Variants in DLGAP2 observed in about 807,000 individuals in gnomAD.
DLGAP2 encodes the protein disks large-associated protein 2.
DLGAP2 carries 26 observed loss-of-function variants against 100.3 expected under a neutral mutation model. The observed-to-expected ratio is 0.26, with a 90% CI of 0.19 to 0.36. DLGAP2 has a LOEUF of 0.36. Ranked by LOEUF, DLGAP2 falls within the 10% of genes least tolerant of loss-of-function variation. The pLI, the probability that DLGAP2 is intolerant of heterozygous loss-of-function variation, is 1.00. For missense variants in DLGAP2, 1,858 were observed against 1,453.2 expected (o/e 1.28, Z -4.53); for synonymous variants, 886 against 630.1 (o/e 1.41, Z -6.08).
intron 5 of DLGAP2, among the ~76,000 whole-genome samples, chr8:1,563,534 C>T (rs2956908): frequency 0.24 from 14,775 of 60,444 alleles, 2,322 homozygotes; most frequent in Middle Eastern, 0.43. Flanking sequence ...CTGCGGGGAC[C>T]GTGCAGTGTC....
intron 3 of DLGAP2, among the ~76,000 whole-genome samples, chr8:1,345,023 C>G (rs1445705198): frequency 6.6e-6 from 1 of 152,202 alleles, no homozygotes; most frequent in Admixed American, 6.5e-5. Context: ...GATATTGGGA[C>G]CATTCATCTT....
chr8:1,662,775 GGT>G (rs1043468389), intron 8 of DLGAP2, among the ~76,000 whole-genome samples: 5 of 152,146 alleles, frequency 3.3e-5, no homozygotes, highest in African/African-American at 7.2e-5. Flanking sequence ...GTGAGTGTGG[GGT>G]GTGTGTGTAC....
intron 1 of DLGAP2, among the ~76,000 whole-genome samples, chr8:772,880 C>A (rs186116556): frequency 4.0e-4 from 61 of 152,288 alleles, no homozygotes; most frequent in Middle Eastern, 3.4e-3. Context: ...GTAGGCAGAG[C>A]TTCCTAATTC....
chr8:1,614,861 GCA>G (rs149530782), intron 6 of DLGAP2, among the ~76,000 whole-genome samples: 2 of 152,094 alleles, frequency 1.3e-5, no homozygotes, highest in African/African-American at 4.8e-5. Context: ...ACGTGCACAC[GCA>G]CACACACACA....
intron 3 of DLGAP2, among the ~76,000 whole-genome samples, chr8:1,345,887 A>G (rs1315079154): frequency 6.6e-6 from 1 of 152,176 alleles, no homozygotes; most frequent in African/African-American, 2.4e-5. Flanking sequence ...GCCCTATAGG[A>G]AGGAAGCAAA....
At position 1,514,698 on chromosome 8, in the gene DLGAP2, G is replaced by T. The variant is rs539899299; in HGVS notation, c.172+13267G>T. On this transcript the variant is annotated intron_variant, in intron 4 of 14. Transcript: ENST00000637795. ...CCCATTCTAAAGGAGGGGACAGCAC[G>T]TGACAGAACGAGTCCCACAGTCAGT... Among the ~76,000 whole-genome samples the T allele has an allele frequency of 4.6e-5, 7 of 152,310 alleles. No homozygotes were observed. In the East Asian group the frequency reaches 1.4e-3, roughly 29 times the overall value.
chr8:946,504 C>G (rs1799329194), intron 2 of DLGAP2, among the ~76,000 whole-genome samples: 2 of 152,050 alleles, frequency 1.3e-5, no homozygotes, highest in Admixed American at 6.5e-5. Flanking sequence ...ACCTTGTGAT[C>G]TGCCCGCCTT....
intron 2 of DLGAP2, among the ~76,000 whole-genome samples, chr8:1,013,060 G>A (rs1382129465): frequency 6.6e-6 from 1 of 152,162 alleles, no homozygotes; most frequent in Non-Finnish European, 1.5e-5. Context: ...GGGTCTCCAT[G>A]CTTCCAGCCC....
At chr8:1,275,241 C>T (rs1303609844) in intron 3 of DLGAP2, among the ~76,000 whole-genome samples, 1 of 152,020 alleles carries the variant, frequency 6.6e-6, no homozygotes, top group Non-Finnish European at 1.5e-5. Context: ...TCACATGGTC[C>T]AGATCCCTCA....
intron 2 of DLGAP2, among the ~76,000 whole-genome samples, chr8:943,910 A>G (rs1020062818): frequency 2.0e-5 from 3 of 152,268 alleles, no homozygotes; most frequent in African/African-American, 7.2e-5. Context: ...AGTCAACCTT[A>G]ATCTCTCATA....
intron 2 of DLGAP2, among the ~76,000 whole-genome samples, chr8:1,094,877 T>C (rs1017000362): frequency 6.6e-6 from 1 of 152,192 alleles, no homozygotes; most frequent in Non-Finnish European, 1.5e-5. Flanking sequence ...TGGGCGAGTG[T>C]TTCCTTTTCT....
chr8:919,204 C>T (rs1217252336), intron 2 of DLGAP2, among the ~76,000 whole-genome samples: 1 of 152,144 alleles, frequency 6.6e-6, no homozygotes, highest in Non-Finnish European at 1.5e-5. Flanking sequence ...GTAATTGAAA[C>T]TGGTTTAATG....
chr8:1,317,246 C>T (rs1296445808), intron 3 of DLGAP2, among the ~76,000 whole-genome samples: 6 of 116,850 alleles, frequency 5.1e-5, no homozygotes, highest in Admixed American at 2.7e-4. Flanking sequence ...AAAAATAGAG[C>T]GTGTGCGAGT....
intron 1 of DLGAP2, among the ~76,000 whole-genome samples, chr8:867,564 G>A (rs370179208): frequency 2.0e-4 from 30 of 152,208 alleles, no homozygotes; most frequent in African/African-American, 6.5e-4. Flanking sequence ...GCTGGACCTG[G>A]TGGTAGCACG....
chr8:1,613,756 C>T (rs904855633), intron 6 of DLGAP2, among the ~76,000 whole-genome samples: 6 of 152,252 alleles, frequency 3.9e-5, no homozygotes, highest in East Asian at 1.9e-4. Context: ...TGTACTGCTT[C>T]GGACAGATGT....
intron 3 of DLGAP2, among the ~76,000 whole-genome samples, chr8:1,424,710 C>T (rs1007666383): frequency 3.3e-5 from 5 of 152,172 alleles, no homozygotes; most frequent in South Asian, 2.1e-4. Context: ...GACAGAAGGC[C>T]GGATAGGACA....
intron 2 of DLGAP2, among the ~76,000 whole-genome samples, chr8:1,133,886 T>A (rs1185087598): frequency 6.6e-6 from 1 of 152,040 alleles, no homozygotes; most frequent in Non-Finnish European, 1.5e-5. Context: ...CAAGTGCAGG[T>A]TTGTTACATA....
At chr8:1,460,711 T>C (rs1798449137) in intron 3 of DLGAP2, among the ~76,000 whole-genome samples, 1 of 152,234 alleles carries the variant, frequency 6.6e-6, no homozygotes, top group African/African-American at 2.4e-5. Flanking sequence ...AGATAACTCA[T>C]AATTTGTTTT....
intron 2 of DLGAP2, among the ~76,000 whole-genome samples, chr8:1,130,390 G>A (rs1008833203): frequency 6.6e-6 from 1 of 152,094 alleles, no homozygotes; most frequent in African/African-American, 2.4e-5. Context: ...CAGATATGAC[G>A]ATTGACATTC....
Sources: gnomAD v4.1 joint callset for allele counts (sites outside exome capture counted in the v4.1 genomes callset) on GRCh38, gnomAD v4.1.1 for gene constraint, MANE v1.5 for transcripts, NCBI Gene and HGNC (gene_info 2026-07-23, HGNC 2026-07-21) for gene names.